Variants in AURKB observed in about 807,000 individuals in gnomAD.
AURKB encodes aurora kinase B-Sv1.
AURKB carries 28 observed loss-of-function variants against 36.5 expected under a neutral mutation model. The ratio of observed to expected loss-of-function variants is 0.77; its 90% CI spans 0.57 to 1.05. The LOEUF is 1.05. AURKB is among the 50% of genes least tolerant of loss of function. The pLI is 0.00. For missense variants in AURKB, 383 were observed against 447.4 expected (o/e 0.86, Z 1.30); for synonymous variants, 175 against 172.9 (o/e 1.01, Z -0.09).
In AURKB at chr17:8,207,773, A is replaced by G. The variant is rs765439455; in HGVS notation, c.116T>C (p.Leu39Pro). The change falls in exon 3 of 9, where the codon CTT becomes CCT. Residue 39 changes from leucine to proline, a missense_variant. Physicochemically the swap from Leu to Pro is moderately conservative, Grantham distance 98. This residue lies in a region of AURKB where 105 missense variants were observed against 95.7 expected (regional missense o/e 1.10). Transcript: ENST00000585124. Reference sequence around the variant, plus strand: ...GACATTGGAGCGGCTCATGAGGACAAGTGCAGATGGGGTGACAGGCTCTTT... The same window carrying G: ...GACATTGGAGCGGCTCATGAGGACAGGTGCAGATGGGGTGACAGGCTCTTT... ...LRKEPVTPSA[L>P]VLMSRSNVQP... 1.5e-5 allele frequency: 25 copies of G among 1,614,044 alleles called. No individual in the cohort carries two copies.
intron 4 of AURKB, 61 bp downstream of exon 4, chr17:8,207,510 C>A: frequency 6.3e-7 from 1 of 1,591,762 alleles, no homozygotes. Context: ...TTTATCTCCC[C>A]GACTTCCTGC....
chr17:8,205,469 C>A (rs1985127315), intron 7 of AURKB, 79 bp from the exon 8 acceptor site: 7 of 1,528,092 alleles, frequency 4.6e-6, no homozygotes, highest in Non-Finnish European at 5.3e-6. Flanking sequence ...CGGCTGGGAG[C>A]CAAAAGACCA....
intron 2 of AURKB, chr17:8,208,290 T>G (rs1985634709): frequency 6.4e-6 from 1 of 156,132 alleles, no homozygotes; most frequent in East Asian, 1.9e-4. Context: ...CTGGCCGTGG[T>G]GGCACGCTCC....
rs767662913 is a variant in AURKB, at chr17:8,206,863, T to G, written c.424A>C (p.Asn142His). 1.2e-6 allele frequency: 2 copies of G among 1,614,080 alleles called. No individual in the cohort carries two copies. Among genetic ancestry groups the G allele is most frequent in the African/African-American group, 2.7e-5 (2 of 74,924 alleles). The change falls in exon 6 of 9, where the codon AAC (asparagine) becomes CAC (histidine). Residue 142 changes from asparagine (N) to histidine (H), a missense_variant. By Grantham distance (68) the Asn-to-His change is moderately conservative. Coordinates refer to ENST00000585124, the MANE Select transcript of AURKB (RefSeq NM_004217.4). This position sits in a 1 kb window ranked among gnomAD's most constrained non-coding sequence, Gnocchi z 4.2. ...LHHPNILRLYNYFYDRRRIYL... is the reference protein window; with the variant it reads ...LHHPNILRLYHYFYDRRRIYL... ...ATCCTCCTCCGGTCATAAAAATAGT[T>G]GTAGAGACGCAGGATGTTGGGATGG...
chr17:8,208,380 G>A (rs1985649498), intron 2 of AURKB, among the ~76,000 whole-genome samples: 1 of 149,556 alleles, frequency 6.7e-6, no homozygotes, highest in African/African-American at 2.5e-5. Flanking sequence ...AGCCGAGATC[G>A]TACCATTGCA....
At chr17:8,209,240 T>C (rs1985801115) in intron 2 of AURKB, among the ~76,000 whole-genome samples, 1 of 152,240 alleles carries the variant, frequency 6.6e-6, no homozygotes, top group South Asian at 2.1e-4. Flanking sequence ...CTCGAACTCC[T>C]GACCTCAGGT....
At chr17:8,205,127 C>T (rs1985052992) in intron 8 of AURKB, 83 bp from the exon 9 acceptor site, 1 of 1,550,342 alleles carries the variant, frequency 6.5e-7, no homozygotes, top group African/African-American at 1.4e-5. Context: ...TTTGGAGTTA[C>T]TTAGGGCCAT....
rs1985267153 is a variant in AURKB, at chr17:8,206,303, G to C, written c.686+188C>G. ...CCGCCACCATGGCCGGCTAATTTTTGTATATTTAGTAGAGACAAGGTTTCA... is the reference window on the plus strand; with the variant it reads ...CCGCCACCATGGCCGGCTAATTTTTCTATATTTAGTAGAGACAAGGTTTCA... On this transcript the variant is annotated intron_variant, in intron 7 of 8. Transcript: ENST00000585124. This position sits in a 1 kb window ranked among gnomAD's most constrained non-coding sequence, Gnocchi z 4.2. Among the ~76,000 whole-genome samples, 1 of 151,870 alleles carries C rather than the reference G, an allele frequency of 6.6e-6. No individual in the cohort carries two copies. Among genetic ancestry groups the C allele is most frequent in the Non-Finnish European group, 1.5e-5 (1 of 67,972 alleles).
chr17:8,206,347 T>C lies in AURKB; in HGVS notation c.686+144A>G. The C allele has an allele frequency of 1.0e-6, 1 of 981,654 alleles. No homozygotes were observed. Among genetic ancestry groups the C allele is most frequent in the Admixed American group, 2.8e-5 (1 of 35,420 alleles). 60.8% of individuals were successfully genotyped at this position (981,654 alleles called of 1,614,324 possible). A position where few individuals can be genotyped will look rare whatever the true frequency, so the allele number is the denominator to read the frequency against. On this transcript the variant is annotated intron_variant, in intron 7 of 8. Transcript: ENST00000585124. This position sits in a 1 kb window ranked among gnomAD's most constrained non-coding sequence, Gnocchi z 4.2. ...GGTTTCATCATGTTGGCAAATCTAGTCTCGAACTCCTGACCTCAGGTGATC... is the reference window on the plus strand; with the variant it reads ...GGTTTCATCATGTTGGCAAATCTAGCCTCGAACTCCTGACCTCAGGTGATC...
At chr17:8,209,249 G>C (rs1420988847) in intron 2 of AURKB, among the ~76,000 whole-genome samples, 2 of 152,196 alleles carry the variant, frequency 1.3e-5, no homozygotes, top group African/African-American at 4.8e-5. Context: ...CTGACCTCAG[G>C]TGATCCACCT....
chr17:8,206,652 A>G lies in AURKB; in HGVS notation c.538-13T>C, dbSNP rs781412907. 6.2e-7 allele frequency: 1 copy of G among 1,614,108 alleles called. No homozygotes were observed. The highest frequency in any genetic ancestry group is 8.5e-7 in the Non-Finnish European group (1 of 1,180,026). ...ACTCCTCCATGATCTGGGAGGGGCA[A>G]CGACAGGCAATCAGACAAGGATGGA... On this transcript the variant is annotated splice_polypyrimidine_tract_variant and intron_variant, in intron 6 of 8. Coordinates refer to ENST00000585124, the MANE Select transcript of AURKB (RefSeq NM_004217.4). The surrounding 1 kb of genome is among the most constrained non-coding windows in gnomAD (Gnocchi z 4.2).
intron 7 of AURKB, among the ~76,000 whole-genome samples, chr17:8,205,997 G>A (rs1985210533): frequency 6.6e-6 from 1 of 152,136 alleles, no homozygotes; most frequent in Non-Finnish European, 1.5e-5. Context: ...GGCCTCAAGT[G>A]ATCCACCCGC....
In AURKB at chr17:8,207,138, A is replaced by G. The variant is rs765789739; in HGVS notation, c.398+38T>C. 6 of 1,591,316 alleles carry G rather than the reference A, an allele frequency of 3.8e-6. No individual in the cohort carries two copies. In the African/African-American group the frequency reaches 8.1e-5, roughly 21 times the overall value. The stretch of plus-strand genomic sequence containing the variant: ...CTGAATGAGGAGCTGGGGGTGAGGG[A>G]GCAGAGGGGCTTCGGCTCAGGGGGC... On this transcript the variant is annotated intron_variant, in intron 5 of 8. Transcript: ENST00000585124.
intron 2 of AURKB, among the ~76,000 whole-genome samples, chr17:8,209,020 T>C (rs1352960345): frequency 2.5e-5 from 3 of 121,708 alleles, no homozygotes; most frequent in Non-Finnish European, 5.0e-5. Flanking sequence ...TTTCAACTTC[T>C]TCATTTTTTT....
At chr17:8,208,593 A>AAAAT (rs60763099) in intron 2 of AURKB, among the ~76,000 whole-genome samples, 26,352 of 141,160 alleles carry the variant, frequency 0.19, 2,839 homozygotes, top group African/African-American at 0.28. Flanking sequence ...TCCGTCTCAA[A>AAAAT]AAATAAATAA....
At position 8,206,435 on chromosome 17, in the gene AURKB, G is replaced by A; in HGVS notation, c.686+56C>T. The stretch of plus-strand genomic sequence containing the variant: ...TGTGAGCCACGGTGCACGGCCCCTG[G>A]AGAGGTTTTAATGGCCCAGCCTCAC... On this transcript the variant is annotated intron_variant, in intron 7 of 8. Transcript: ENST00000585124. This position sits in a 1 kb window ranked among gnomAD's most constrained non-coding sequence, Gnocchi z 4.2. 6.2e-7 allele frequency: 1 copy of A among 1,607,290 alleles called. No homozygotes were observed. The highest frequency in any genetic ancestry group is 8.5e-7 in the Non-Finnish European group (1 of 1,176,920).
rs956442238 is a variant in AURKB at position 8,210,491 on chromosome 17, C to T, written c.-26+39G>A. On this transcript the variant is annotated intron_variant, in intron 1 of 8. Coordinates refer to ENST00000585124, the MANE Select transcript of AURKB (RefSeq NM_004217.4). ...CCTCTGATCTACCTGATCATCTGCC[C>T]ACTCCCGGCGCAAGGCCTGCGACAG... 71 of 505,222 alleles carry T rather than the reference C, an allele frequency of 1.4e-4. No homozygotes were observed. The African/African-American group carries it at 1.4e-3, about 10-fold the overall frequency. The allele number at this position is 505,222 out of a possible 1,614,324, so 31.3% of individuals were successfully genotyped here.
Position 8,206,521 on chromosome 17 carries a change from A to T in AURKB, c.656T>A (p.Phe219Tyr). Residue 219 changes from phenylalanine to tyrosine, a missense_variant, in exon 7 of 9, where the codon TTC becomes TAC. By Grantham distance (22) the Phe-to-Tyr change is conservative. Coordinates refer to ENST00000585124, the MANE Select transcript of AURKB (RefSeq NM_004217.4). The surrounding 1 kb of genome is among the most constrained non-coding windows in gnomAD (Gnocchi z 4.2). ...GLKGELKIAD[F>Y]GWSVHAPSLR... ...GGAGGGCGCATGCACAGACCAGCCGAAGTCAGCAATCTTCAGCTCTCCCTT... is the reference window on the plus strand; with the variant it reads ...GGAGGGCGCATGCACAGACCAGCCGTAGTCAGCAATCTTCAGCTCTCCCTT... The T allele has an allele frequency of 6.2e-7, 1 of 1,614,144 alleles. No individual in the cohort carries two copies. Among genetic ancestry groups the T allele is most frequent in the Non-Finnish European group, 8.5e-7 (1 of 1,180,014 alleles).
rs1985096486 is a variant in AURKB at position 8,205,324 on chromosome 17, A to G, written c.753T>C (p.Asn251=). 6 of 1,613,056 alleles carry G rather than the reference A, an allele frequency of 3.7e-6. No homozygotes were observed. Among genetic ancestry groups the G allele is most frequent in the Non-Finnish European group, 5.1e-6 (6 of 1,179,200 alleles). Residue 251 remains asparagine, a synonymous_variant, in exon 8 of 9, where the codon AAT becomes AAC. Coordinates refer to ENST00000585124, the MANE Select transcript of AURKB (RefSeq NM_004217.4). ...CAATGCACCACAGATCCACCTTCTC[A>G]TTGTGCATGCGCCCCTCAATCATCT... ...PPEMIEGRMH[N]EKVDLWCIGV...
Sources: allele counts gnomAD v4.1 joint callset (sites outside exome capture counted in the v4.1 genomes callset), GRCh38; gene constraint gnomAD v4.1.1; regional missense constraint gnomAD v4.1.1; non-coding constraint Gnocchi (gnomAD v3.1); transcripts MANE v1.5; gene names NCBI Gene and HGNC (gene_info 2026-07-23, HGNC 2026-07-21).